MTX2: variants seen among roughly 807,000 people sequenced by gnomAD.
The protein encoded by MTX2 is metaxin 2, also known as metaxin-2.
Under a neutral mutation model 42.3 loss-of-function variants are expected in MTX2, and 35 were observed. The observed-to-expected ratio is 0.83, with a 90% CI of 0.63 to 1.10. The LOEUF is 1.10. Ranked by LOEUF, MTX2 falls within the 50% of genes least tolerant of loss-of-function variation. The pLI is 0.00. For synonymous variants in MTX2, 119 were observed against 100.9 expected (o/e 1.18, Z -1.08); for missense variants, 307 against 304.1 (o/e 1.01, Z -0.07).
chr2:176,328,027 T>G (rs1684751777), intron 5 of MTX2, among the ~76,000 whole-genome samples: 1 of 151,246 alleles, frequency 6.6e-6, no homozygotes, highest in Non-Finnish European at 1.5e-5. Flanking sequence ...TTGCTGACCA[T>G]TCTGTTTTCT....
chr2:176,333,608 T>G (rs911723228), intron 9 of MTX2, among the ~76,000 whole-genome samples: 4 of 148,568 alleles, frequency 2.7e-5, no homozygotes, highest in African/African-American at 1.0e-4. Flanking sequence ...ACAAAAAATA[T>G]GCTTTAAAGG....
chr2:176,269,678 G>T lies in MTX2; in HGVS notation c.40+9G>T. ...CGTCTCCCAGATTGCAGGTAGCGCG[G>T]CTGGCCGCAGACCCAGAAGGTGGCG... On this transcript the variant is annotated intron_variant, in intron 1 of 9. Coordinates refer to ENST00000249442, the MANE Select transcript of MTX2 (RefSeq NM_006554.5). The T allele has an allele frequency of 6.3e-7, 1 of 1,592,182 alleles. No individual in the cohort carries two copies. Among genetic ancestry groups the T allele is most frequent in the South Asian group, 1.1e-5 (1 of 88,160 alleles).
intron 3 of MTX2, among the ~76,000 whole-genome samples, chr2:176,299,587 G>A (rs540198327): frequency 2.6e-5 from 4 of 151,876 alleles, no homozygotes; most frequent in South Asian, 2.1e-4. Context: ...GATAAATTAC[G>A]CAGCATATAT....
chr2:176,298,766 A>G (rs760886189), intron 3 of MTX2, among the ~76,000 whole-genome samples: 6 of 152,146 alleles, frequency 3.9e-5, no homozygotes, highest in Non-Finnish European at 8.8e-5. Context: ...TAATATTTTC[A>G]ATCTTTATAT....
At chr2:176,332,189 A>G (rs1684879033) in intron 9 of MTX2, among the ~76,000 whole-genome samples, 1 of 151,418 alleles carries the variant, frequency 6.6e-6, no homozygotes, top group African/African-American at 2.4e-5. Flanking sequence ...CCCTAAAAAT[A>G]AGATTAAAGA....
chr2:176,298,095 A>G (rs1412149377), intron 3 of MTX2, among the ~76,000 whole-genome samples, 200 bp downstream of exon 3: 9 of 151,304 alleles, frequency 5.9e-5, no homozygotes, highest in Admixed American at 5.9e-4. Flanking sequence ...GTTAATTGTC[A>G]GTATATAAAA....
At chr2:176,310,371 T>A (rs191506930) in intron 3 of MTX2, among the ~76,000 whole-genome samples, 5 of 152,316 alleles carry the variant, frequency 3.3e-5, no homozygotes, top group Non-Finnish European at 4.4e-5. Context: ...CTGACAATTA[T>A]GTGTGTTGGG....
chr2:176,316,531 A>T (rs10172341), intron 3 of MTX2, among the ~76,000 whole-genome samples: 1 of 152,020 alleles, frequency 6.6e-6, no homozygotes, highest in Non-Finnish European at 1.5e-5. Flanking sequence ...CCTCCCAAGT[A>T]GCTGGGACTA....
At chr2:176,272,323 GA>G (rs1206472958) in intron 1 of MTX2, among the ~76,000 whole-genome samples, 1 of 152,034 alleles carries the variant, frequency 6.6e-6, no homozygotes, top group Non-Finnish European at 1.5e-5. Flanking sequence ...TAGACTAGAA[GA>G]AAAAGTTTTA....
intron 3 of MTX2, among the ~76,000 whole-genome samples, chr2:176,299,439 C>A (rs952360826): frequency 2.6e-5 from 4 of 152,022 alleles, no homozygotes; most frequent in African/African-American, 7.2e-5. Context: ...TTTGTTAATT[C>A]TATTTTTATG....
intron 8 of MTX2, 64 bp downstream of exon 8, chr2:176,329,490 A>G (rs1253088732): frequency 1.4e-6 from 2 of 1,442,742 alleles, no homozygotes; most frequent in African/African-American, 1.5e-5. Context: ...CATTCTTTAT[A>G]TTGATACTCC....
intron 3 of MTX2, among the ~76,000 whole-genome samples, chr2:176,312,260 G>A (rs1159698253): frequency 6.6e-6 from 1 of 152,092 alleles, no homozygotes; most frequent in Non-Finnish European, 1.5e-5. Context: ...AGGAATGTTT[G>A]CATTTATTTT....
chr2:176,329,337 C>CCT lies in MTX2; in HGVS notation c.457_458dup (p.Asn154Ter). On this transcript the variant is annotated frameshift_variant, in exon 8 of 10. Transcript: ENST00000249442. LOFTEE classifies it high-confidence loss of function. ...TAGGTATGGATCTCCTTACCCTTGGCCTCTGAATCATATTTTGGCCTATCA... is the reference window on the plus strand; with the variant it reads ...TAGGTATGGATCTCCTTACCCTTGGCCTCTCTGAATCATATTTTGGCCTATCA... The CCT allele has an allele frequency of 1.9e-6, 3 of 1,607,616 alleles. No homozygotes were observed. Among genetic ancestry groups the CCT allele is most frequent in the Non-Finnish European group, 2.6e-6 (3 of 1,175,616 alleles).
At chr2:176,277,627 C>G (rs758060663) in intron 1 of MTX2, among the ~76,000 whole-genome samples, 4 of 152,134 alleles carry the variant, frequency 2.6e-5, no homozygotes, top group Non-Finnish European at 5.9e-5. Flanking sequence ...GTCTCGAACT[C>G]CCGACCTCAG....
At chr2:176,297,440 C>T (rs1683914179) in intron 2 of MTX2, among the ~76,000 whole-genome samples, 1 of 152,116 alleles carries the variant, frequency 6.6e-6, no homozygotes. Flanking sequence ...ACGAACTTGT[C>T]ATCTTTCTTT....
At chr2:176,271,828 A>C (rs1692818130) in intron 1 of MTX2, among the ~76,000 whole-genome samples, 1 of 152,220 alleles carries the variant, frequency 6.6e-6, no homozygotes, top group Non-Finnish European at 1.5e-5. Context: ...CATTATTTGT[A>C]ATAGCGAAAA....
chr2:176,312,863 CAAAAAAAAA>C (rs557475003), intron 3 of MTX2, among the ~76,000 whole-genome samples: 2 of 56,030 alleles, frequency 3.6e-5, no homozygotes, highest in South Asian at 1.6e-3. Context: ...AATGCCATCT[CAAAAAAAAA>C]AAAAAAAAAA....
intron 9 of MTX2, among the ~76,000 whole-genome samples, chr2:176,337,251 AG>A (rs1354522279): frequency 6.6e-6 from 1 of 152,152 alleles, no homozygotes; most frequent in Non-Finnish European, 1.5e-5. Flanking sequence ...CACATTGTTC[AG>A]GCTGGTTGTG....
rs373045907 is a variant in MTX2, at chr2:176,325,592, G to A, written c.209-1233G>A. 1.6e-4 allele frequency among the ~76,000 whole-genome samples: 25 copies of A among 151,718 alleles called. No homozygotes were observed. The South Asian group carries it at 5.2e-3, about 31-fold the overall frequency. ...ACTGGTCATTAAAAACAAGGAATATGCTTTGCTCTAAAAATATTATACCCC... is the reference window on the plus strand; with the variant it reads ...ACTGGTCATTAAAAACAAGGAATATACTTTGCTCTAAAAATATTATACCCC... On this transcript the variant is annotated intron_variant, in intron 4 of 9. Transcript: ENST00000249442.
Sources: allele counts gnomAD v4.1 joint callset (sites outside exome capture counted in the v4.1 genomes callset), GRCh38; gene constraint gnomAD v4.1.1; transcripts MANE v1.5; gene names NCBI Gene and HGNC (gene_info 2026-07-23, HGNC 2026-07-21).